Variants in ARHGAP44 observed in about 807,000 individuals in gnomAD.
The protein encoded by ARHGAP44 is Rho GTPase activating protein 44, also known as rho GTPase-activating protein 44.
ARHGAP44 carries 43 observed loss-of-function variants against 106.8 expected under a neutral mutation model. That is an observed-to-expected ratio of 0.40 (90% CI 0.32 to 0.52). The LOEUF is 0.52. Ranked by LOEUF, ARHGAP44 falls within the 20% of genes least tolerant of loss-of-function variation. The pLI is 0.48. For synonymous variants in ARHGAP44, 439 were observed against 410.3 expected, an observed-to-expected ratio of 1.07 and a Z score of -0.85; for missense variants, 866 against 1,050.5, an observed-to-expected ratio of 0.82 and a Z score of 2.43.
rs73292370 is a variant in ARHGAP44, at chr17:12,956,095, C to G, written c.1250+115C>G. On this transcript the variant is annotated intron_variant, in intron 14 of 20. Coordinates refer to ENST00000379672, the MANE Select transcript of ARHGAP44 (RefSeq NM_014859.6). ...CACCAGCCTCATGTATTTTCCAAAC[C>G]CTATTTCTTTGTTGGCCTGCTCCTC... The G allele has an allele frequency of 2.3e-3, 1,585 of 702,444 alleles. 23 individuals carry two copies. In the African/African-American group the frequency reaches 0.026, roughly 11 times the overall value. 43.5% of individuals were successfully genotyped at this position (702,444 alleles called of 1,614,324 possible). A position where few individuals can be genotyped will look rare whatever the true frequency, so the allele number is the denominator to read the frequency against.
intron 18 of ARHGAP44, among the ~76,000 whole-genome samples, chr17:12,977,047 G>C (rs1451256827): frequency 1.3e-5 from 2 of 151,938 alleles, no homozygotes; most frequent in Non-Finnish European, 2.9e-5. Context: ...CCCAGGCTCT[G>C]AAGGCATTCC....
intron 20 of ARHGAP44, chr17:12,985,825 G>A (rs780235051): frequency 6.6e-6 from 1 of 152,240 alleles, no homozygotes; most frequent in Non-Finnish European, 1.5e-5. Context: ...TGGAGCATAT[G>A]TGTACCTAGT....
In ARHGAP44 at chr17:12,950,935, T is replaced by G. The variant is rs368883017; in HGVS notation, c.1055+1205T>G. 8.2e-4 allele frequency among the ~76,000 whole-genome samples: 125 copies of G among 152,282 alleles called. 1 individual carries two copies. The South Asian group carries it at 0.026, about 32-fold the overall frequency. On this transcript the variant is annotated intron_variant, in intron 12 of 20. Coordinates refer to ENST00000379672, the MANE Select transcript of ARHGAP44 (RefSeq NM_014859.6). ...GAAATATGTGTCTGATGCTGCTCCT[T>G]CTACTTTTTGAAGAACTGGGCCTGA...
intron 13 of ARHGAP44, among the ~76,000 whole-genome samples, chr17:12,953,515 C>T (rs974766256): frequency 1.3e-5 from 2 of 152,188 alleles, no homozygotes; most frequent in African/African-American, 4.8e-5. Context: ...TCCAGCAATT[C>T]CACTTCTGGG....
chr17:12,946,890 G>C (rs886098375), intron 10 of ARHGAP44, among the ~76,000 whole-genome samples: 1 of 152,022 alleles, frequency 6.6e-6, no homozygotes, highest in African/African-American at 2.4e-5. Context: ...TTTTTGAAGA[G>C]CAGTACCTTT....
At position 12,958,986 on chromosome 17, in the gene ARHGAP44, G is replaced by A. The variant is rs552382463; in HGVS notation, c.1523+89G>A. ...ACGCATAAGAAAAATACAATTACGG[G>A]AAGGCTGCACTGACTCTCAGCAGTT... On this transcript the variant is annotated intron_variant, in intron 16 of 20. Transcript: ENST00000379672. The surrounding 1 kb of genome is among the most constrained non-coding windows in gnomAD (Gnocchi z 4.1). The A allele has an allele frequency of 6.9e-7, 1 of 1,440,960 alleles. No individual in the cohort carries two copies. Among genetic ancestry groups the A allele is most frequent in the African/African-American group, 1.4e-5 (1 of 71,130 alleles). The allele number at this position is 1,440,960 out of a possible 1,614,324, so 89.3% of individuals were successfully genotyped here.
intron 3 of ARHGAP44, among the ~76,000 whole-genome samples, chr17:12,903,048 A>G (rs987535547): frequency 1.4e-5 from 2 of 146,412 alleles, no homozygotes; most frequent in African/African-American, 5.1e-5. Flanking sequence ...GAATTAGAGG[A>G]CAGTAGACAA....
chr17:12,961,834 G>A (rs769298449), intron 16 of ARHGAP44, among the ~76,000 whole-genome samples: 1 of 152,166 alleles, frequency 6.6e-6, no homozygotes, highest in East Asian at 1.9e-4. Flanking sequence ...TTAAGGAAGT[G>A]TAGTGAATTG....
At chr17:12,884,201 G>A (rs1049116985) in intron 1 of ARHGAP44, among the ~76,000 whole-genome samples, 4 of 151,992 alleles carry the variant, frequency 2.6e-5, no homozygotes, top group Non-Finnish European at 4.4e-5. Context: ...TCTGAGCTGA[G>A]CATCTTTTGC....
At chr17:12,909,133 A>G (rs907459072) in intron 4 of ARHGAP44, among the ~76,000 whole-genome samples, 160 bp downstream of exon 4, 9 of 152,234 alleles carry the variant, frequency 5.9e-5, no homozygotes, top group African/African-American at 2.2e-4. Flanking sequence ...TCTTGGCTCT[A>G]AAGTCATATT....
At chr17:12,867,946 C>T (rs568524390) in intron 1 of ARHGAP44, among the ~76,000 whole-genome samples, 34 of 152,248 alleles carry the variant, frequency 2.2e-4, no homozygotes, top group Admixed American at 8.5e-4. Flanking sequence ...TCCATGATTA[C>T]GTTATAATCA....
chr17:12,802,352 G>A (rs746018051), intron 1 of ARHGAP44, among the ~76,000 whole-genome samples: 7 of 152,176 alleles, frequency 4.6e-5, no homozygotes, highest in Non-Finnish European at 1.0e-4. Context: ...GCCTGGGAGT[G>A]ACCACAGAGT....
At chr17:12,928,320 C>T (rs1394770733) in intron 6 of ARHGAP44, among the ~76,000 whole-genome samples, 1 of 152,166 alleles carries the variant, frequency 6.6e-6, no homozygotes, top group Non-Finnish European at 1.5e-5. Context: ...TACTCAAATT[C>T]CCACAGGATA....
intron 12 of ARHGAP44, among the ~76,000 whole-genome samples, chr17:12,951,872 AT>A (rs2038999274): frequency 6.6e-6 from 1 of 152,140 alleles, no homozygotes; most frequent in Non-Finnish European, 1.5e-5. Context: ...GGGTTCTGTG[AT>A]TCAAAGCTCC....
At chr17:12,877,619 G>A (rs1401285346) in intron 1 of ARHGAP44, among the ~76,000 whole-genome samples, 1 of 151,994 alleles carries the variant, frequency 6.6e-6, no homozygotes, top group Non-Finnish European at 1.5e-5. Context: ...GCGAGGTGGC[G>A]GGCGTCTGTA....
chr17:12,929,703 T>G lies in ARHGAP44; in HGVS notation c.582+657T>G, dbSNP rs1372070351. ...TAGACCATTCACGATGCTCTGTGTATATGTACATCTCTTTACCTGCATATA... is the reference window on the plus strand; with the variant it reads ...TAGACCATTCACGATGCTCTGTGTAGATGTACATCTCTTTACCTGCATATA... On this transcript the variant is annotated intron_variant, in intron 7 of 20. Transcript: ENST00000379672. 2.6e-5 allele frequency among the ~76,000 whole-genome samples: 4 copies of G among 152,352 alleles called. No homozygotes were observed. The East Asian group carries it at 7.7e-4, about 29-fold the overall frequency.
chr17:12,850,795 C>G (rs2035718654), intron 1 of ARHGAP44, among the ~76,000 whole-genome samples: 1 of 152,170 alleles, frequency 6.6e-6, no homozygotes, highest in African/African-American at 2.4e-5. Context: ...CCTCTAGGGC[C>G]TAGGTCAGTT....
chr17:12,807,090 A>G (rs1290496753), intron 1 of ARHGAP44, among the ~76,000 whole-genome samples: 2 of 152,188 alleles, frequency 1.3e-5, no homozygotes, highest in Admixed American at 6.5e-5. Flanking sequence ...GTTTGCTTAC[A>G]TAGGAACCCA....
At chr17:12,878,774 C>T (rs2036631846) in intron 1 of ARHGAP44, among the ~76,000 whole-genome samples, 1 of 152,168 alleles carries the variant, frequency 6.6e-6, no homozygotes, top group Admixed American at 6.5e-5. Context: ...TCCAACTCAA[C>T]AGTCATGAGT....
Sources: gnomAD v4.1 joint callset for allele counts (sites outside exome capture counted in the v4.1 genomes callset) on GRCh38, gnomAD v4.1.1 for gene constraint, Gnocchi (gnomAD v3.1) non-coding constraint, MANE v1.5 for transcripts, NCBI Gene and HGNC (gene_info 2026-07-23, HGNC 2026-07-21) for gene names.